Variants in EMID1 observed in about 807,000 individuals in gnomAD.
The protein encoded by EMID1 is EMI domain containing 1.
A neutral mutation model predicts 60.6 loss-of-function variants in EMID1; 40 were observed. The observed-to-expected ratio is 0.66, with a 90% CI of 0.51 to 0.86. EMID1 has a LOEUF of 0.86. Ranked by LOEUF, EMID1 falls within the 40% of genes least tolerant of loss-of-function variation. EMID1 has a pLI of 0.00. For missense variants in EMID1, 585 were observed against 597.1 expected, an observed-to-expected ratio of 0.98 and a Z score of 0.21; for synonymous variants, 242 against 231.0, an observed-to-expected ratio of 1.05 and a Z score of -0.43.
intron 1 of EMID1, among the ~76,000 whole-genome samples, chr22:29,209,727 G>C (rs1041561841): frequency 6.6e-6 from 1 of 152,208 alleles, no homozygotes; most frequent in African/African-American, 2.4e-5. Context: ...AGACCCAAAG[G>C]ATGAATAAGA....
intron 14 of EMID1, among the ~76,000 whole-genome samples, chr22:29,258,233 T>G (rs1465891382): frequency 1.3e-5 from 2 of 152,198 alleles, no homozygotes; most frequent in Non-Finnish European, 2.9e-5. Context: ...GAAGGCTTCC[T>G]GGAGGAAATG....
chr22:29,242,852 T>C (rs1256599089), intron 12 of EMID1, among the ~76,000 whole-genome samples: 2 of 152,224 alleles, frequency 1.3e-5, no homozygotes, highest in Non-Finnish European at 2.9e-5. Flanking sequence ...CAAGCACCTC[T>C]AACTTGGTTG....
At chr22:29,220,664 C>T (rs113095733) in intron 3 of EMID1, among the ~76,000 whole-genome samples, 14 of 152,056 alleles carry the variant, frequency 9.2e-5, no homozygotes, top group African/African-American at 2.4e-4. Context: ...TTTCACACCC[C>T]GAATCCCCAA....
intron 14 of EMID1, 190 bp downstream of exon 14, chr22:29,254,477 G>A: frequency 1.7e-6 from 1 of 592,048 alleles, no homozygotes; most frequent in Admixed American, 2.8e-5. Flanking sequence ...CACGGGTGCA[G>A]GGGTGCCCTA....
intron 14 of EMID1, among the ~76,000 whole-genome samples, chr22:29,257,656 C>T (rs1569013339): frequency 1.3e-5 from 2 of 152,236 alleles, no homozygotes; most frequent in East Asian, 1.9e-4. Flanking sequence ...GGAAGCGACA[C>T]CAACCTAGTA....
rs766791685 is a variant in EMID1, at chr22:29,258,933, G to C, written c.1321G>C (p.Glu441Gln). Reference protein sequence around the residue: ...YRIVAPRSRDERG With the variant: ...YRIVAPRSRDQRG ...GATCGTGGCCCCCAGGAGCCGGGAC[G>C]AGAGAGGCTGAGGGTGGTGGCGGCC... The change falls in exon 15 of 15, where the codon GAG becomes CAG. Residue 441 changes from glutamate (E) to glutamine (Q), a missense_variant. Glu to Gln is a conservative substitution (Grantham distance 29). Transcript: ENST00000334018. 1.2e-6 allele frequency: 2 copies of C among 1,612,374 alleles called. No homozygotes were observed. Among genetic ancestry groups the C allele is most frequent in the Non-Finnish European group, 1.7e-6 (2 of 1,179,328 alleles).
intron 12 of EMID1, among the ~76,000 whole-genome samples, chr22:29,240,694 T>C (rs1322244647): frequency 6.6e-6 from 1 of 152,254 alleles, no homozygotes; most frequent in Non-Finnish European, 1.5e-5. Flanking sequence ...AATCATGCGC[T>C]TGACGCATCG....
At chr22:29,257,103 TCTCTGACAGCC>T (rs1414347508) in intron 14 of EMID1, among the ~76,000 whole-genome samples, 2 of 152,258 alleles carry the variant, frequency 1.3e-5, no homozygotes, top group East Asian at 3.9e-4. Flanking sequence ...GCCAGCTCTG[TCTCTGACAGCC>T]CAGGGAGAAA....
chr22:29,215,914 C>T (rs1054107223), intron 3 of EMID1, among the ~76,000 whole-genome samples: 4 of 152,184 alleles, frequency 2.6e-5, no homozygotes, highest in African/African-American at 4.8e-5. Flanking sequence ...CCTCCACACT[C>T]GGGGAAAACC....
chr22:29,255,492 C>T, intron 14 of EMID1: 1 of 670,688 alleles, frequency 1.5e-6, no homozygotes, highest in Non-Finnish European at 2.3e-6. Flanking sequence ...AGCCAGCCAG[C>T]CAGCAAATGG....
chr22:29,252,591 A>C (rs2146450395), intron 13 of EMID1, among the ~76,000 whole-genome samples: 1 of 152,282 alleles, frequency 6.6e-6, no homozygotes, highest in East Asian at 1.9e-4. Context: ...ACTATGGACC[A>C]TATGCTGGGG....
chr22:29,224,498 G>T (rs946943813), intron 3 of EMID1, among the ~76,000 whole-genome samples: 1 of 152,218 alleles, frequency 6.6e-6, no homozygotes, highest in African/African-American at 2.4e-5. Flanking sequence ...TGGCAGCAGG[G>T]GTTGGCCCTG....
intron 7 of EMID1, 112 bp downstream of exon 7, chr22:29,231,794 C>G: frequency 9.2e-7 from 1 of 1,082,072 alleles, no homozygotes; most frequent in Non-Finnish European, 1.3e-6. Flanking sequence ...ATCTACTTGC[C>G]TCTTCACTCA....
intron 12 of EMID1, among the ~76,000 whole-genome samples, chr22:29,240,818 T>C (rs1038624593): frequency 6.6e-6 from 1 of 152,220 alleles, no homozygotes; most frequent in African/African-American, 2.4e-5. Flanking sequence ...GTTGGCCCCC[T>C]GGACGCACTT....
intron 6 of EMID1, chr22:29,231,356 C>T (rs1423943372): frequency 7.0e-6 from 6 of 853,102 alleles, no homozygotes; most frequent in Non-Finnish European, 1.1e-5. Context: ...CCAGCAGACC[C>T]TGCCTGGAGG....
At chr22:29,253,345 G>A (rs1274097731) in intron 13 of EMID1, among the ~76,000 whole-genome samples, 1 of 152,232 alleles carries the variant, frequency 6.6e-6, no homozygotes, top group African/African-American at 2.4e-5. Flanking sequence ...CCCTTTGGGA[G>A]ACCGAGGCGG....
At chr22:29,225,959 GC>G (rs2040492791) in intron 4 of EMID1, among the ~76,000 whole-genome samples, 1 of 152,158 alleles carries the variant, frequency 6.6e-6, no homozygotes, top group Non-Finnish European at 1.5e-5. Flanking sequence ...GACCTTTGAG[GC>G]CAGCCCAGTC....
At chr22:29,257,891 C>G (rs924027580) in intron 14 of EMID1, among the ~76,000 whole-genome samples, 5 of 152,204 alleles carry the variant, frequency 3.3e-5, no homozygotes, top group Admixed American at 2.0e-4. Flanking sequence ...CCCACGCTCC[C>G]TAAGGCATGG....
At chr22:29,257,252 T>C (rs1442565670) in intron 14 of EMID1, among the ~76,000 whole-genome samples, 1 of 152,098 alleles carries the variant, frequency 6.6e-6, no homozygotes. Flanking sequence ...ACCCTCCCCA[T>C]TGGCGCAACA....
Sources: gnomAD v4.1 joint callset for allele counts (sites outside exome capture counted in the v4.1 genomes callset) on GRCh38, gnomAD v4.1.1 for gene constraint, MANE v1.5 for transcripts, NCBI Gene and HGNC (gene_info 2026-07-23, HGNC 2026-07-21) for gene names.